CNOT6L: variants seen among roughly 807,000 people sequenced by gnomAD.
CNOT6L encodes the protein CCR4-NOT transcription complex subunit 6 like.
Under a neutral mutation model 64.0 loss-of-function variants are expected in CNOT6L, and 7 were observed. The observed-to-expected ratio is 0.11, with a 90% CI of 0.06 to 0.21. The LOEUF is 0.21. Ranked by LOEUF, CNOT6L falls within the 10% of genes least tolerant of loss-of-function variation. The probability of loss-of-function intolerance (pLI) is 1.00; values close to 1 mark genes in which losing one functional copy is unlikely to be tolerated. For missense variants in CNOT6L, 245 were observed against 669.0 expected, an observed-to-expected ratio of 0.37 and a Z score of 6.99; for synonymous variants, 193 against 243.4, an observed-to-expected ratio of 0.79 and a Z score of 1.93.
intron 6 of CNOT6L, among the ~76,000 whole-genome samples, chr4:77,747,294 G>A (rs1724305935): frequency 6.6e-6 from 1 of 152,100 alleles, no homozygotes; most frequent in Non-Finnish European, 1.5e-5. Flanking sequence ...AGCCTCCTAA[G>A]TAGCTGGGAT....
chr4:77,761,304 G>A (rs1340243404), intron 4 of CNOT6L, among the ~76,000 whole-genome samples: 1 of 152,094 alleles, frequency 6.6e-6, no homozygotes, highest in East Asian at 1.9e-4. Flanking sequence ...TCAACCAAAT[G>A]ACTGCAGGAG....
chr4:77,720,767 T>G (rs1463285443), intron 11 of CNOT6L, 124 bp from the exon 12 acceptor site: 1 of 872,752 alleles, frequency 1.1e-6, no homozygotes, highest in Non-Finnish European at 1.8e-6. Context: ...TGATAGTGGG[T>G]CAAATAAGGC....
At chr4:77,725,741 A>C (rs1470892476) in intron 11 of CNOT6L, among the ~76,000 whole-genome samples, 1 of 152,146 alleles carries the variant, frequency 6.6e-6, no homozygotes, top group African/African-American at 2.4e-5. Flanking sequence ...GAAAATCTTG[A>C]GAAAATACTA....
chr4:77,772,302 G>A (rs1334236526), intron 4 of CNOT6L, among the ~76,000 whole-genome samples: 4 of 151,834 alleles, frequency 2.6e-5, no homozygotes, highest in South Asian at 2.1e-4. Context: ...GCGCGATCTC[G>A]GCTCCCCGCA....
At chr4:77,786,383 T>A (rs1359981679) in intron 1 of CNOT6L, among the ~76,000 whole-genome samples, 2 of 151,516 alleles carry the variant, frequency 1.3e-5, no homozygotes, top group Non-Finnish European at 2.9e-5. Flanking sequence ...GAGGCTGAGG[T>A]GGAAGGATCG....
Position 77,714,070 on chromosome 4 carries a change from T to C in CNOT6L, c.*6361A>G, listed in dbSNP as rs1204566192. 5 of 152,688 alleles carry C rather than the reference T, an allele frequency of 3.3e-5. No individual in the cohort carries two copies. Among genetic ancestry groups the C allele is most frequent in the African/African-American group, 9.6e-5 (4 of 41,568 alleles). 9.5% of individuals were successfully genotyped at this position (152,688 alleles called of 1,614,324 possible). A position where few individuals can be genotyped will look rare whatever the true frequency, so the allele number is the denominator to read the frequency against. On this transcript the variant is annotated 3_prime_UTR_variant, in exon 12 of 12. Transcript: ENST00000504123. ...AACAGCAGAATTTGTTTTGGAATAGTATCAATGGAAACTACCAAGTATTCA... is the reference window on the plus strand; with the variant it reads ...AACAGCAGAATTTGTTTTGGAATAGCATCAATGGAAACTACCAAGTATTCA...
intron 1 of CNOT6L, among the ~76,000 whole-genome samples, chr4:77,789,622 T>C (rs1729871628): frequency 6.6e-6 from 1 of 150,914 alleles, no homozygotes; most frequent in Admixed American, 6.6e-5. Context: ...ATCATGCCAC[T>C]GCACTCCAGC....
At chr4:77,819,107 C>T (rs1343140500) in intron 1 of CNOT6L, 197 bp downstream of exon 1, 2 of 975,094 alleles carry the variant, frequency 2.1e-6, no homozygotes, top group Middle Eastern at 2.3e-4. Flanking sequence ...TGAAGAGACG[C>T]GGGTCAGCCC....
At chr4:77,785,806 C>T (rs1729370377) in intron 1 of CNOT6L, among the ~76,000 whole-genome samples, 1 of 152,112 alleles carries the variant, frequency 6.6e-6, no homozygotes, top group African/African-American at 2.4e-5. Context: ...TAAAAGAAAA[C>T]TTGTCTCAAA....
chr4:77,797,233 T>C (rs1419083602), intron 1 of CNOT6L, among the ~76,000 whole-genome samples: 1 of 142,564 alleles, frequency 7.0e-6, no homozygotes, highest in Non-Finnish European at 1.5e-5. Flanking sequence ...TCATACTATA[T>C]AAAAAAAAAA....
chr4:77,774,387 G>GA, intron 3 of CNOT6L, 143 bp downstream of exon 3: 1 of 595,536 alleles, frequency 1.7e-6, no homozygotes, highest in South Asian at 3.1e-5. Flanking sequence ...TTCAACGGAG[G>GA]CCAACTCAAG....
chr4:77,749,700 G>C (rs1442264808), intron 5 of CNOT6L, among the ~76,000 whole-genome samples: 1 of 152,122 alleles, frequency 6.6e-6, no homozygotes, highest in Non-Finnish European at 1.5e-5. Context: ...AATTAAAAAA[G>C]ATGAGATGGC....
chr4:77,752,915 T>C (rs530481771), intron 5 of CNOT6L, among the ~76,000 whole-genome samples: 1 of 151,882 alleles, frequency 6.6e-6, no homozygotes, highest in African/African-American at 2.4e-5. Flanking sequence ...AGTTGGTTCT[T>C]CTTTTCAAAG....
rs922486132 is a variant in CNOT6L, at chr4:77,812,448, GA to G, written c.5+6855del. ...GTGAGACTCCATCTCAAAAAAAAAA[GA>G]AAAAAAAAACTATTAGAACTAAGAA... On this transcript the variant is annotated intron_variant, in intron 1 of 11. Coordinates refer to ENST00000504123, the MANE Select transcript of CNOT6L (RefSeq NM_144571.3). 1.4e-4 allele frequency among the ~76,000 whole-genome samples: 19 copies of G among 136,764 alleles called. No homozygotes were observed. In the East Asian group the frequency reaches 1.4e-3, roughly 10 times the overall value. The allele number at this position is 136,764 out of a possible 152,430, so 89.7% of individuals were successfully genotyped here.
At chr4:77,818,862 G>C (rs921879643) in intron 1 of CNOT6L, 1 of 258,350 alleles carries the variant, frequency 3.9e-6, no homozygotes, top group Non-Finnish European at 7.5e-6. Context: ...GGGGAACGGC[G>C]GCCCCGGGAT....
intron 5 of CNOT6L, among the ~76,000 whole-genome samples, chr4:77,752,419 T>C (rs567259353): frequency 1.3e-5 from 2 of 152,212 alleles, no homozygotes; most frequent in Non-Finnish European, 2.9e-5. Flanking sequence ...TATAGGATAC[T>C]GCATCTAATG....
intron 10 of CNOT6L, among the ~76,000 whole-genome samples, chr4:77,726,967 TGAAGA>T (rs569074683): frequency 1.3e-3 from 193 of 152,290 alleles, no homozygotes; most frequent in African/African-American, 4.5e-3. Context: ...AATACAAGGC[TGAAGA>T]GAAGAATAGC....
At chr4:77,798,940 C>G (rs1731186854) in intron 1 of CNOT6L, among the ~76,000 whole-genome samples, 1 of 151,948 alleles carries the variant, frequency 6.6e-6, no homozygotes, top group African/African-American at 2.4e-5. Flanking sequence ...GATCACACAA[C>G]TGCATTCCAG....
rs557315317 is a variant in CNOT6L, at chr4:77,750,307, C to CG, written c.491-1924_491-1923insC. On this transcript the variant is annotated intron_variant, in intron 5 of 11. Transcript: ENST00000504123. ...ATTTTAATCATAACAGGAATTTTAA[C>CG]TTTTTTTACAAAAGGATAATATATT... 1.8e-3 allele frequency among the ~76,000 whole-genome samples: 272 copies of CG among 152,080 alleles called. 2 individuals are homozygous for CG. Among genetic ancestry groups the CG allele is most frequent in the African/African-American group, 5.5e-3 (227 of 41,502 alleles).
Sources: allele counts gnomAD v4.1 joint callset (sites outside exome capture counted in the v4.1 genomes callset), GRCh38; gene constraint gnomAD v4.1.1; transcripts MANE v1.5; gene names NCBI Gene and HGNC (gene_info 2026-07-23, HGNC 2026-07-21).